The following FBXL7 variants were observed in gnomAD, a reference collection of about 807,000 sequenced individuals.
FBXL7 encodes the protein F-box and leucine rich repeat protein 7, also known as F-box/LRR-repeat protein 7.
Under a neutral mutation model 38.3 loss-of-function variants are expected in FBXL7, and 12 were observed. That is an observed-to-expected ratio of 0.31 (90% CI 0.20 to 0.51). The LOEUF (loss-of-function observed/expected upper bound fraction) is 0.51, where lower values mean the gene tolerates loss of function less well. FBXL7 is among the 20% of genes least tolerant of loss of function. FBXL7 has a pLI of 0.98. For missense variants in FBXL7, 567 were observed against 676.4 expected, an observed-to-expected ratio of 0.84 and a Z score of 1.79; for synonymous variants, 297 against 300.9, an observed-to-expected ratio of 0.99 and a Z score of 0.13.
intron 2 of FBXL7, among the ~76,000 whole-genome samples, chr5:15,735,080 T>C (rs4576146): frequency 0.64 from 97,617 of 151,774 alleles, 31,868 homozygotes; most frequent in East Asian, 0.72. Flanking sequence ...TACAGGCACG[T>C]GCCACCATGC....
chr5:15,589,682 G>A (rs928190274), intron 1 of FBXL7, among the ~76,000 whole-genome samples: 2 of 152,176 alleles, frequency 1.3e-5, no homozygotes, highest in African/African-American at 2.4e-5. Flanking sequence ...AAAGGCTTTG[G>A]AAGTTATTAT....
At chr5:15,897,990 C>T (rs1395746751) in intron 2 of FBXL7, among the ~76,000 whole-genome samples, 2 of 152,236 alleles carry the variant, frequency 1.3e-5, no homozygotes, top group Non-Finnish European at 2.9e-5. Flanking sequence ...GCAAAGCCAG[C>T]ATGCAAATGC....
intron 2 of FBXL7, among the ~76,000 whole-genome samples, chr5:15,656,013 G>T (rs561155777): frequency 2.6e-5 from 4 of 152,150 alleles, no homozygotes; most frequent in Non-Finnish European, 2.9e-5. Context: ...GTGTGCTGCC[G>T]TGTGTGTAAT....
chr5:15,774,085 C>A (rs185632916), intron 2 of FBXL7, among the ~76,000 whole-genome samples: 3 of 152,034 alleles, frequency 2.0e-5, no homozygotes, highest in Admixed American at 2.0e-4. Context: ...GGTCAGAAGT[C>A]TAAATCAAGG....
At chr5:15,740,980 A>G (rs979263821) in intron 2 of FBXL7, among the ~76,000 whole-genome samples, 2 of 152,170 alleles carry the variant, frequency 1.3e-5, no homozygotes, top group Admixed American at 6.6e-5. Context: ...ACATTTTCCT[A>G]AGAGAAATAA....
At chr5:15,628,731 C>T (rs974223176) in intron 2 of FBXL7, among the ~76,000 whole-genome samples, 1 of 152,086 alleles carries the variant, frequency 6.6e-6, no homozygotes, top group Non-Finnish European at 1.5e-5. Flanking sequence ...ATTAACTGCT[C>T]TCTTTTGAGT....
At chr5:15,624,883 T>TG (rs1375611829) in intron 2 of FBXL7, among the ~76,000 whole-genome samples, 1 of 151,984 alleles carries the variant, frequency 6.6e-6, no homozygotes, top group Admixed American at 6.6e-5. Flanking sequence ...TTTTTTTTTT[T>TG]TCCTAGATGA....
At chr5:15,681,360 A>G (rs1742837516) in intron 2 of FBXL7, among the ~76,000 whole-genome samples, 1 of 152,240 alleles carries the variant, frequency 6.6e-6, no homozygotes, top group Non-Finnish European at 1.5e-5. Context: ...AATAAAGAAA[A>G]GTATATTTAT....
intron 1 of FBXL7, among the ~76,000 whole-genome samples, chr5:15,556,924 A>C (rs530921417): frequency 1.3e-5 from 2 of 152,260 alleles, no homozygotes; most frequent in Admixed American, 6.5e-5. Flanking sequence ...TCAAGGTGAG[A>C]AGTGACTAAA....
At chr5:15,618,186 A>G (rs982320507) in intron 2 of FBXL7, among the ~76,000 whole-genome samples, 1 of 152,034 alleles carries the variant, frequency 6.6e-6, no homozygotes, top group Admixed American at 6.6e-5. Context: ...GTCACAATGT[A>G]TTTTCTGTTA....
At chr5:15,622,335 G>A (rs976739750) in intron 2 of FBXL7, among the ~76,000 whole-genome samples, 1 of 151,618 alleles carries the variant, frequency 6.6e-6, no homozygotes, top group Admixed American at 6.6e-5. Flanking sequence ...TGTGCACAAT[G>A]TGCAGGTTTG....
chr5:15,734,439 C>A (rs1735695417), intron 2 of FBXL7, among the ~76,000 whole-genome samples: 1 of 152,202 alleles, frequency 6.6e-6, no homozygotes, highest in Non-Finnish European at 1.5e-5. Context: ...CTGATCTGTG[C>A]CCTCTTCTGA....
At chr5:15,836,351 T>C (rs1351042993) in intron 2 of FBXL7, among the ~76,000 whole-genome samples, 1 of 152,138 alleles carries the variant, frequency 6.6e-6, no homozygotes, top group Admixed American at 6.6e-5. Context: ...AGACAAATTA[T>C]ATAGTATTTT....
At chr5:15,931,412 C>T (rs1742033160) in intron 3 of FBXL7, among the ~76,000 whole-genome samples, 1 of 152,146 alleles carries the variant, frequency 6.6e-6, no homozygotes, top group Admixed American at 6.5e-5. Context: ...TAATCCTACC[C>T]AACCAGTAGA....
intron 2 of FBXL7, among the ~76,000 whole-genome samples, chr5:15,837,669 T>G: frequency 6.6e-6 from 1 of 152,326 alleles, no homozygotes; most frequent in South Asian, 2.1e-4. Context: ...TTTAAAAAAA[T>G]TCTTAGTATG....
intron 1 of FBXL7, among the ~76,000 whole-genome samples, chr5:15,529,326 T>C (rs1268356361): frequency 1.3e-5 from 2 of 152,212 alleles, no homozygotes; most frequent in African/African-American, 4.8e-5. Context: ...CAATGATAGA[T>C]ACCTGGGTTG....
chr5:15,728,503 G>A (rs888606685), intron 2 of FBXL7, among the ~76,000 whole-genome samples: 1 of 152,110 alleles, frequency 6.6e-6, no homozygotes, highest in Non-Finnish European at 1.5e-5. Context: ...AACTTTTAAT[G>A]TGCAATTTAG....
At chr5:15,694,069 C>A (rs959541795) in intron 2 of FBXL7, among the ~76,000 whole-genome samples, 3 of 152,148 alleles carry the variant, frequency 2.0e-5, no homozygotes, top group Non-Finnish European at 2.9e-5. Flanking sequence ...GTAACACATG[C>A]CCACTGGGCT....
intron 1 of FBXL7, among the ~76,000 whole-genome samples, chr5:15,532,915 T>C (rs1325302616): frequency 6.6e-6 from 1 of 152,238 alleles, no homozygotes; most frequent in East Asian, 1.9e-4. Flanking sequence ...AGGATGAAGA[T>C]GTGGAAGAGT....
Sources: gnomAD v4.1 joint callset for allele counts (sites outside exome capture counted in the v4.1 genomes callset) on GRCh38, gnomAD v4.1.1 for gene constraint, MANE v1.5 for transcripts, NCBI Gene and HGNC (gene_info 2026-07-23, HGNC 2026-07-21) for gene names.